The following CD44 variants were observed in gnomAD, a reference collection of about 807,000 sequenced individuals.
CD44 encodes the protein CD44 molecule (IN blood group).
In CD44, 49 loss-of-function variants were observed where a neutral mutation model predicts 88.8. The ratio of observed to expected loss-of-function variants is 0.55; its 90% CI spans 0.44 to 0.70. The LOEUF is 0.70. Ranked by LOEUF, CD44 falls within the 30% of genes least tolerant of loss-of-function variation. The pLI, the probability that CD44 is intolerant of heterozygous loss-of-function variation, is 0.00. For synonymous variants in CD44, 325 were observed against 312.3 expected, an observed-to-expected ratio of 1.04 and a Z score of -0.43; for missense variants, 883 against 913.8, an observed-to-expected ratio of 0.97 and a Z score of 0.43.
Position 35,168,106 on chromosome 11 carries a change from C to T in CD44, c.68-8469C>T, listed in dbSNP as rs1943503075. On this transcript the variant is annotated intron_variant, in intron 1 of 17. Coordinates refer to ENST00000428726, the MANE Select transcript of CD44 (RefSeq NM_000610.4). ...CCTTACCAGGCCTTGGTAAAGGCCC[C>T]TATCTTGTGGTCCAGAATCAAGGGA... 2.0e-5 allele frequency among the ~76,000 whole-genome samples: 3 copies of T among 152,318 alleles called. No homozygotes were observed. In the Middle Eastern group the frequency reaches 0.01, roughly 518 times the overall value.
chr11:35,163,779 A>G (rs1243428949), intron 1 of CD44, among the ~76,000 whole-genome samples: 3 of 152,206 alleles, frequency 2.0e-5, no homozygotes, highest in Non-Finnish European at 4.4e-5. Flanking sequence ...TGTTAAAACT[A>G]TCTGAGAAGA....
chr11:35,211,403 A>T lies in CD44; in HGVS notation c.1764A>T (p.Ala588=), dbSNP rs995349092. 6.2e-6 allele frequency: 10 copies of T among 1,613,934 alleles called. No homozygotes were observed. The highest frequency in any genetic ancestry group is 8.5e-6 in the Non-Finnish European group (10 of 1,179,936). The change falls in exon 14 of 18, where the codon GCA becomes GCT. Residue 588 remains alanine (A), a synonymous_variant. Transcript: ENST00000428726. ...SAKTGSFGVT[A]VTVGDSNSNV... ...AGACTGGGTCCTTTGGAGTTACTGC[A>T]GTTACTGTTGGAGATTCCAACTCTA... is the stretch of plus-strand genomic sequence containing the variant.
intron 17 of CD44, among the ~76,000 whole-genome samples, chr11:35,223,744 A>G (rs542180354): frequency 1.3e-5 from 2 of 152,354 alleles, no homozygotes; most frequent in South Asian, 4.1e-4. Flanking sequence ...GGTGGTGAAC[A>G]GCTGTACGGG....
chr11:35,149,003 T>C (rs1265426979), intron 1 of CD44, among the ~76,000 whole-genome samples: 1 of 152,232 alleles, frequency 6.6e-6, no homozygotes, highest in African/African-American at 2.4e-5. Context: ...GAGATCTTTC[T>C]TGAGGTTTGA....
chr11:35,159,675 A>T (rs1479182013), intron 1 of CD44, among the ~76,000 whole-genome samples: 2 of 152,232 alleles, frequency 1.3e-5, no homozygotes, highest in Non-Finnish European at 2.9e-5. Context: ...AGAGGCAGCA[A>T]ATGACAACTG....
chr11:35,185,948 G>C (rs1945631380), intron 3 of CD44, among the ~76,000 whole-genome samples: 1 of 152,082 alleles, frequency 6.6e-6, no homozygotes, highest in Non-Finnish European at 1.5e-5. Context: ...CTGCTCAGAG[G>C]GCTACCAGTA....
In CD44 at chr11:35,197,172, T is replaced by G. The variant is rs563978422; in HGVS notation, c.796+298T>G. 2 of 214,842 alleles carry G rather than the reference T, an allele frequency of 9.3e-6. 1 individual carries two copies. The highest frequency in any genetic ancestry group is 2.5e-4 in the South Asian group (2 of 8,068). The allele number at this position is 214,842 out of a possible 1,614,324, so 13.3% of individuals were successfully genotyped here. On this transcript the variant is annotated intron_variant, in intron 6 of 17. Coordinates refer to ENST00000428726, the MANE Select transcript of CD44 (RefSeq NM_000610.4). Reference sequence around the variant, plus strand: ...CAAAATTGTGACTCTGAAAGATCATTCATGTATATTCTAAAATTACCACAG... The same window carrying G: ...CAAAATTGTGACTCTGAAAGATCATGCATGTATATTCTAAAATTACCACAG...
intron 9 of CD44, among the ~76,000 whole-genome samples, chr11:35,202,300 T>A (rs1337982307): frequency 6.6e-6 from 1 of 152,232 alleles, no homozygotes; most frequent in Non-Finnish European, 1.5e-5. Context: ...ATTTGAATTC[T>A]ACCACTGCTT....
intron 5 of CD44, among the ~76,000 whole-genome samples, chr11:35,193,939 C>A (rs770403639): frequency 6.6e-6 from 1 of 152,190 alleles, no homozygotes; most frequent in African/African-American, 2.4e-5. Flanking sequence ...GAGGCTGATG[C>A]GTGTGGGCGG....
At chr11:35,143,108 A>G (rs932518251) in intron 1 of CD44, among the ~76,000 whole-genome samples, 7 of 152,082 alleles carry the variant, frequency 4.6e-5, no homozygotes, top group Admixed American at 1.3e-4. Flanking sequence ...ACAGTTTTAT[A>G]TATTACTCTA....
intron 1 of CD44, among the ~76,000 whole-genome samples, chr11:35,159,505 C>A (rs777556983): frequency 6.6e-6 from 1 of 152,100 alleles, no homozygotes; most frequent in African/African-American, 2.4e-5. Context: ...TATGAGACCC[C>A]TTTGCAGCGG....
intron 4 of CD44, among the ~76,000 whole-genome samples, chr11:35,189,005 A>C (rs1591150203): frequency 6.6e-6 from 1 of 152,244 alleles, no homozygotes; most frequent in South Asian, 2.1e-4. Context: ...AGTCCCATCA[A>C]TGCAATACAG....
chr11:35,208,034 T>C, intron 11 of CD44, 71 bp from the exon 12 acceptor site: 1 of 891,670 alleles, frequency 1.1e-6, no homozygotes, highest in African/African-American at 1.6e-5. Context: ...AAAAATCAGC[T>C]GTAGACCATA....
rs1591086527 is a variant in CD44, at chr11:35,180,308, C to T, written c.268C>T (p.Arg90Trp). 1.9e-6 allele frequency: 3 copies of T among 1,613,966 alleles called. No homozygotes were observed. The highest frequency in any genetic ancestry group is 1.1e-5 in the South Asian group (1 of 91,072). ...GFIEGHVVIP[R>W]IHPNSICAAN... ...CATAGAAGGGCACGTGGTGATTCCC[C>T]GGATCCACCCCAACTCCATCTGTGC... The change falls in exon 3 of 18, where the codon CGG becomes TGG. Residue 90 changes from arginine (R) to tryptophan (W), a missense_variant. Arg to Trp is a moderately radical substitution (Grantham distance 101, BLOSUM62 -3). This residue lies in a region of CD44 where 252 missense variants were observed against 322.9 expected (regional missense o/e 0.78). Transcript: ENST00000428726.
chr11:35,173,498 G>A (rs1451986702), intron 1 of CD44, among the ~76,000 whole-genome samples: 1 of 152,192 alleles, frequency 6.6e-6, no homozygotes, highest in African/African-American at 2.4e-5. Flanking sequence ...CATTAGGCTT[G>A]AAAAAGAGTG....
intron 1 of CD44, among the ~76,000 whole-genome samples, chr11:35,141,817 A>T (rs1330004163): frequency 2.6e-5 from 4 of 152,198 alleles, no homozygotes; most frequent in Admixed American, 2.0e-4. Flanking sequence ...GAAAGGAGAC[A>T]TGACTTTGTC....
intron 17 of CD44, among the ~76,000 whole-genome samples, chr11:35,227,051 C>T (rs117145986): frequency 0.018 from 2,697 of 151,968 alleles, 42 homozygotes; most frequent in Non-Finnish European, 0.027. Flanking sequence ...GCCCCCATGA[C>T]CGGCTAATTT....
intron 1 of CD44, among the ~76,000 whole-genome samples, chr11:35,150,823 G>A (rs1462766238): frequency 2.0e-5 from 3 of 152,200 alleles, no homozygotes; most frequent in South Asian, 2.1e-4. Flanking sequence ...TGTGGGCAAG[G>A]TCCTTCCCCT....
chr11:35,158,866 G>A (rs867414258), intron 1 of CD44, among the ~76,000 whole-genome samples: 12 of 152,198 alleles, frequency 7.9e-5, no homozygotes, highest in Non-Finnish European at 1.3e-4. Flanking sequence ...ACTGGGAAAC[G>A]CACTCCAGGT....
Sources: gnomAD v4.1 joint callset for allele counts (sites outside exome capture counted in the v4.1 genomes callset) on GRCh38, gnomAD v4.1.1 for gene constraint, gnomAD v4.1.1 regional missense constraint, MANE v1.5 for transcripts, NCBI Gene and HGNC (gene_info 2026-07-23, HGNC 2026-07-21) for gene names.